Variants in UNC13B observed in about 807,000 individuals in gnomAD.
UNC13B encodes the protein unc-13 homolog B.
In UNC13B, 144 loss-of-function variants were observed where a neutral mutation model predicts 211.0. The observed-to-expected ratio is 0.68, with a 90% CI of 0.60 to 0.78. The LOEUF (loss-of-function observed/expected upper bound fraction) is 0.78, where lower values mean the gene tolerates loss of function less well. UNC13B is among the 30% of genes least tolerant of loss of function. The probability of loss-of-function intolerance (pLI) is 0.00; values close to 1 mark genes in which losing one functional copy is unlikely to be tolerated. For synonymous variants in UNC13B, 709 were observed against 725.8 expected (o/e 0.98, Z 0.37); for missense variants, 1,777 against 2,002.0 (o/e 0.89, Z 2.14).
In UNC13B at chr9:35,310,882, G is replaced by T. The variant is rs943921507; in HGVS notation, c.9323+101G>T. ...TTGTCATTTGTTTCCCTGCAGCTGG[G>T]TATGGTGGTAGTTAACACCTCCAGG... On this transcript the variant is annotated intron_variant, in intron 10 of 39. Coordinates refer to ENST00000635942, the MANE Select transcript of UNC13B (RefSeq NM_001371189.2). 5 of 1,186,962 alleles carry T rather than the reference G, an allele frequency of 4.2e-6. No individual in the cohort carries two copies. In the African/African-American group the frequency reaches 4.6e-5, roughly 11 times the overall value. 73.5% of individuals were successfully genotyped at this position (1,186,962 alleles called of 1,614,324 possible). A position where few individuals can be genotyped will look rare whatever the true frequency, so the allele number is the denominator to read the frequency against.
intron 11 of UNC13B, among the ~76,000 whole-genome samples, chr9:35,324,827 A>T (rs1465322527): frequency 6.6e-6 from 1 of 152,114 alleles, no homozygotes; most frequent in Non-Finnish European, 1.5e-5. Flanking sequence ...AATATCATTT[A>T]TTATGTCACC....
intron 13 of UNC13B, among the ~76,000 whole-genome samples, chr9:35,372,171 C>G (rs1439977870): frequency 6.6e-6 from 1 of 152,172 alleles, no homozygotes; most frequent in Non-Finnish European, 1.5e-5. Flanking sequence ...ACTTGGGAGG[C>G]TGAGGCAGGA....
intron 7 of UNC13B, among the ~76,000 whole-genome samples, chr9:35,272,779 G>C (rs1827966677): frequency 6.6e-6 from 1 of 152,194 alleles, no homozygotes; most frequent in Non-Finnish European, 1.5e-5. Context: ...AACAATACCA[G>C]TGATTCCTTC....
chr9:35,375,212 CA>C lies in UNC13B; in HGVS notation c.9615+13del. ...AAGGACGAAGAGCTGGTAAGTGTCC[CA>C]AGTGCTTTCGTAAGTCCACTGGCCT... On this transcript the variant is annotated intron_variant, in intron 14 of 39. Transcript: ENST00000635942. 2 of 1,613,954 alleles carry C rather than the reference CA, an allele frequency of 1.2e-6. No homozygotes were observed. The highest frequency in any genetic ancestry group is 1.7e-6 in the Non-Finnish European group (2 of 1,179,838).
At chr9:35,254,960 ATATAT>A (rs1307322401) in intron 6 of UNC13B, among the ~76,000 whole-genome samples, 129 of 113,756 alleles carry the variant, frequency 1.1e-3, no homozygotes, top group Middle Eastern at 3.9e-3. Flanking sequence ...ATATAATATA[ATATAT>A]TATATTATAT....
intron 7 of UNC13B, among the ~76,000 whole-genome samples, chr9:35,280,154 G>A (rs1451764578): frequency 6.6e-6 from 1 of 152,150 alleles, no homozygotes; most frequent in Non-Finnish European, 1.5e-5. Context: ...GTGCTGAGGT[G>A]ACAGAAGAAG....
Position 35,303,958 on chromosome 9 carries a change from T to G in UNC13B, c.4554T>G (p.His1518Gln). 2.5e-6 allele frequency: 1 copy of G among 398,754 alleles called. No individual in the cohort carries two copies. The highest frequency in any genetic ancestry group is 4.4e-6 in the Non-Finnish European group (1 of 225,866). The allele number at this position is 398,754 out of a possible 1,614,324, so 24.7% of individuals were successfully genotyped here. Residue 1518 changes from histidine (H) to glutamine (Q), a missense_variant, in exon 9 of 40, where the codon CAT becomes CAG. Transcript: ENST00000635942. Reference sequence around the variant, plus strand: ...AGGAATGGTTGTCATGTCTTGAACATGGAGTGTGGTGGCCATCAGAGGATG... The same window carrying G: ...AGGAATGGTTGTCATGTCTTGAACAGGGAGTGTGGTGGCCATCAGAGGATG... ...EYQEWLSCLE[H>Q]GVWWPSEDGD...
Position 35,305,375 on chromosome 9 carries a change from G to A in UNC13B, c.5971G>A (p.Ala1991Thr). 1 of 398,922 alleles carries A rather than the reference G, an allele frequency of 2.5e-6. No homozygotes were observed. Among genetic ancestry groups the A allele is most frequent in the Non-Finnish European group, 4.4e-6 (1 of 225,996 alleles). 24.7% of individuals were successfully genotyped at this position (398,922 alleles called of 1,614,324 possible). A position where few individuals can be genotyped will look rare whatever the true frequency, so the allele number is the denominator to read the frequency against. Residue 1991 changes from alanine to threonine, a missense_variant, in exon 9 of 40, where the codon GCC becomes ACC. Transcript: ENST00000635942. Reference sequence around the variant, plus strand: ...GGGTACCCTTGGGGATTTCTTTAAAGCCAATGTATCTCCTATACAGACAAC... The same window carrying A: ...GGGTACCCTTGGGGATTTCTTTAAAACCAATGTATCTCCTATACAGACAAC... The part of the protein sequence containing the change: ...FWGTLGDFFK[A>T]NVSPIQTTEN...
intron 1 of UNC13B, among the ~76,000 whole-genome samples, chr9:35,180,538 G>C (rs372060509): frequency 6.6e-6 from 1 of 151,696 alleles, no homozygotes; most frequent in Non-Finnish European, 1.5e-5. Context: ...TATTTCAGTC[G>C]GTGTGAATTT....
chr9:35,174,133 CCTCT>C (rs57116071), intron 1 of UNC13B, among the ~76,000 whole-genome samples: 5 of 149,742 alleles, frequency 3.3e-5, no homozygotes, highest in African/African-American at 9.8e-5. Context: ...TCTTCCTAGA[CCTCT>C]CTCTCTCTCT....
intron 1 of UNC13B, among the ~76,000 whole-genome samples, chr9:35,207,176 A>G (rs77384751): frequency 0.02 from 3,020 of 152,224 alleles, 98 homozygotes; most frequent in African/African-American, 0.07. Context: ...GTGTGAAATG[A>G]TATCTTACTG....
intron 11 of UNC13B, among the ~76,000 whole-genome samples, chr9:35,359,512 C>T (rs553085929): frequency 3.3e-5 from 5 of 152,326 alleles, no homozygotes; most frequent in African/African-American, 1.2e-4. Context: ...TGTAAATAGG[C>T]ATCTCATTTG....
Position 35,377,618 on chromosome 9 carries a change from A to G in UNC13B, c.9986A>G (p.His3329Arg), listed in dbSNP as rs560973072. ...RDVFTVNKAAHVQQMKTVKQS... is the reference protein window; with the variant it reads ...RDVFTVNKAARVQQMKTVKQS... ...GTCTTCACAGTGAACAAAGCTGCCC[A>G]TGTGCAGCAGATGAAAACAGTGAAG... is the stretch of plus-strand genomic sequence containing the variant. Residue 3329 changes from histidine to arginine, a missense_variant, in exon 16 of 40, where the codon CAT becomes CGT. His to Arg is a conservative substitution (Grantham distance 29). Transcript: ENST00000635942. 1 of 1,614,218 alleles carries G rather than the reference A, an allele frequency of 6.2e-7. No individual in the cohort carries two copies. The highest frequency in any genetic ancestry group is 1.1e-5 in the South Asian group (1 of 91,082).
chr9:35,298,805 T>G (rs1829527378), intron 8 of UNC13B, among the ~76,000 whole-genome samples: 1 of 152,230 alleles, frequency 6.6e-6, no homozygotes, highest in Non-Finnish European at 1.5e-5. Context: ...GAAAGAAAGT[T>G]CAGGCTATCT....
chr9:35,403,146 A>G (rs1836435796), intron 37 of UNC13B, 21 bp from the exon 38 acceptor site: 1 of 1,609,864 alleles, frequency 6.2e-7, no homozygotes, highest in African/African-American at 1.3e-5. Flanking sequence ...ATGGGGAATC[A>G]TCTCTCCATT....
At chr9:35,377,761 C>T (rs868284474) in intron 16 of UNC13B, 66 bp downstream of exon 16, 6 of 1,516,206 alleles carry the variant, frequency 4.0e-6, no homozygotes, top group African/African-American at 2.8e-5. Flanking sequence ...GGGGAAGAAA[C>T]ATCCTGAGCG....
rs1408131130 is a variant in UNC13B, at chr9:35,403,539, A to G, written c.12677A>G (p.Lys4226Arg). The change falls in exon 39 of 40, where the codon AAG (lysine) becomes AGG (arginine). Residue 4226 changes from lysine to arginine, a missense_variant. Transcript: ENST00000635942. ...CCACACCAAAGTGATAAGAAGAGGA[A>G]GTTCACAACCAAATCCAAAAGCAAC... ...VGPHQSDKKR[K>R]FTTKSKSNNW... The G allele has an allele frequency of 1.2e-6, 2 of 1,613,126 alleles. No individual in the cohort carries two copies. The highest frequency in any genetic ancestry group is 1.7e-6 in the Non-Finnish European group (2 of 1,179,658).
chr9:35,246,602 T>C (rs889851388), intron 6 of UNC13B, among the ~76,000 whole-genome samples: 33 of 152,360 alleles, frequency 2.2e-4, no homozygotes, highest in Middle Eastern at 3.4e-3. Flanking sequence ...ATTTGTTGAA[T>C]AGGGAATCCT....
intron 1 of UNC13B, 142 bp downstream of exon 1, chr9:35,162,447 A>T: frequency 3.5e-6 from 4 of 1,140,296 alleles, no homozygotes; most frequent in Non-Finnish European, 4.8e-6. Context: ...CAATCACTTA[A>T]CAATCACTTG....
Sources: allele counts gnomAD v4.1 joint callset (sites outside exome capture counted in the v4.1 genomes callset), GRCh38; gene constraint gnomAD v4.1.1; transcripts MANE v1.5; gene names NCBI Gene and HGNC (gene_info 2026-07-23, HGNC 2026-07-21).